The following NSG1 variants were observed in gnomAD, a reference collection of about 807,000 sequenced individuals.
The protein encoded by NSG1 is neuronal vesicle trafficking-associated protein 1.
NSG1 carries 9 observed loss-of-function variants against 19.3 expected under a neutral mutation model. The observed-to-expected ratio is 0.47, with a 90% CI of 0.28 to 0.81. The LOEUF (loss-of-function observed/expected upper bound fraction) is 0.81. Among genes scored for constraint, NSG1 ranks in the 40% least tolerant of loss-of-function variants. The probability of loss-of-function intolerance (pLI) is 0.11; values close to 1 mark genes in which losing one functional copy is unlikely to be tolerated. For missense variants in NSG1, 236 were observed against 242.4 expected (o/e 0.97, Z 0.18); for synonymous variants, 104 against 107.0 (o/e 0.97, Z 0.17).
chr4:4,394,225 A>G (rs886399897), intron 3 of NSG1, among the ~76,000 whole-genome samples: 1 of 152,094 alleles, frequency 6.6e-6, no homozygotes, highest in Non-Finnish European at 1.5e-5. Flanking sequence ...CTGTTGAGCC[A>G]TTCCACTTCT....
intron 3 of NSG1, among the ~76,000 whole-genome samples, chr4:4,407,858 A>G (rs1397646489): frequency 6.6e-6 from 1 of 152,118 alleles, no homozygotes; most frequent in Non-Finnish European, 1.5e-5. Context: ...GCAGAGCTGC[A>G]GGCAGAATCT....
At chr4:4,411,612 C>T (rs180717932) in intron 4 of NSG1, among the ~76,000 whole-genome samples, 155 of 152,238 alleles carry the variant, frequency 1.0e-3, no homozygotes, top group African/African-American at 2.3e-3. Flanking sequence ...GGCATGGTGG[C>T]GGGTGCCTGT....
At chr4:4,391,385 GACTT>G in intron 2 of NSG1, 86 bp from the exon 3 acceptor site, 1 of 758,756 alleles carries the variant, frequency 1.3e-6, no homozygotes, top group South Asian at 2.0e-5. Context: ...GGCAAATGGT[GACTT>G]TGAATATGGG....
At chr4:4,397,578 A>G (rs941382646) in intron 3 of NSG1, among the ~76,000 whole-genome samples, 1 of 152,222 alleles carries the variant, frequency 6.6e-6, no homozygotes, top group African/African-American at 2.4e-5. Context: ...TTCCCTGTCC[A>G]GACGGTGAGC....
chr4:4,387,521 G>A (rs1722787172), intron 1 of NSG1, 83 bp from the exon 2 acceptor site: 3 of 932,624 alleles, frequency 3.2e-6, no homozygotes, highest in Non-Finnish European at 4.8e-6. Context: ...ACGCCGGGAC[G>A]CCGGTGGGTG....
At chr4:4,392,169 T>A (rs180709638) in intron 3 of NSG1, among the ~76,000 whole-genome samples, 1 of 147,750 alleles carries the variant, frequency 6.8e-6, no homozygotes, top group African/African-American at 2.5e-5. Context: ...CTTCCCCCCA[T>A]CCCAATGGGA....
chr4:4,417,034 C>T (rs1165244217), intron 4 of NSG1, among the ~76,000 whole-genome samples: 3 of 152,188 alleles, frequency 2.0e-5, no homozygotes, highest in Non-Finnish European at 4.4e-5. Flanking sequence ...ACTCACCAGC[C>T]AGTCTATTAA....
At chr4:4,386,930 G>A (rs1002364945), upstream of NSG1, 3 of 152,064 alleles carry the variant, frequency 2.0e-5, no homozygotes, top group Non-Finnish European at 4.4e-5. Context: ...TCCTTTGTGC[G>A]GCCGGGCGGG....
chr4:4,417,858 C>G lies in NSG1; in HGVS notation c.*423C>G. On this transcript the variant is annotated 3_prime_UTR_variant, in exon 5 of 5. Coordinates refer to ENST00000621129, the MANE Select transcript of NSG1 (RefSeq NM_014392.5). ...ATCTCTCGCTGTGCTAAGAGCAAGC[C>G]TACTTCGCATTTCTTCCTCGGCCAT... 2 of 253,838 alleles carry G rather than the reference C, an allele frequency of 7.9e-6. No individual in the cohort carries two copies. Among genetic ancestry groups the G allele is most frequent in the Non-Finnish European group, 1.5e-5 (2 of 130,772 alleles). 15.7% of individuals were successfully genotyped at this position (253,838 alleles called of 1,614,324 possible).
At chr4:4,395,071 G>T (rs961894443) in intron 3 of NSG1, among the ~76,000 whole-genome samples, 1 of 152,186 alleles carries the variant, frequency 6.6e-6, no homozygotes. Flanking sequence ...CTGGACTTTC[G>T]CAGCTGAACA....
At chr4:4,399,077 G>A (rs1025159463) in intron 3 of NSG1, among the ~76,000 whole-genome samples, 2 of 152,096 alleles carry the variant, frequency 1.3e-5, no homozygotes, top group Admixed American at 1.3e-4. Flanking sequence ...TTGGCCATTT[G>A]TATCTCTTCT....
At chr4:4,401,903 C>T (rs1354492878) in intron 3 of NSG1, among the ~76,000 whole-genome samples, 1 of 152,086 alleles carries the variant, frequency 6.6e-6, no homozygotes, top group Non-Finnish European at 1.5e-5. Context: ...TTTTTTGAGA[C>T]AGGGCCTCGC....
intron 1 of NSG1, 87 bp from the exon 2 acceptor site, chr4:4,387,517 G>T (rs1230367619): frequency 3.3e-6 from 3 of 903,276 alleles, no homozygotes; most frequent in Non-Finnish European, 5.0e-6. Context: ...GCGGACGCCG[G>T]GACGCCGGTG....
chr4:4,395,592 G>A (rs556390258), intron 3 of NSG1, among the ~76,000 whole-genome samples: 3 of 152,248 alleles, frequency 2.0e-5, no homozygotes, highest in Admixed American at 1.3e-4. Flanking sequence ...CTGGAGACAC[G>A]GGCATGATGG....
chr4:4,389,044 C>G (rs990065539), intron 2 of NSG1, among the ~76,000 whole-genome samples: 2 of 152,224 alleles, frequency 1.3e-5, no homozygotes, highest in African/African-American at 2.4e-5. Flanking sequence ...GGCCTGGCCC[C>G]GAGGCCCCCA....
intron 4 of NSG1, among the ~76,000 whole-genome samples, chr4:4,414,667 T>TC (rs1244887612): frequency 6.6e-6 from 1 of 152,224 alleles, no homozygotes; most frequent in Non-Finnish European, 1.5e-5. Flanking sequence ...TGCTGTTATA[T>TC]CCCCATTTTA....
At chr4:4,416,856 T>TC (rs1448650323) in intron 4 of NSG1, among the ~76,000 whole-genome samples, 1 of 152,220 alleles carries the variant, frequency 6.6e-6, no homozygotes, top group African/African-American at 2.4e-5. Flanking sequence ...GGGAAGCTCT[T>TC]CTCACTTCCC....
chr4:4,393,650 T>C (rs1220929083), intron 3 of NSG1, among the ~76,000 whole-genome samples: 2 of 152,196 alleles, frequency 1.3e-5, no homozygotes. Flanking sequence ...AGTTTTCTTT[T>C]CCTCCTTTAT....
At position 4,402,371 on chromosome 4, in the gene NSG1, ATTTTTTTTTTTTTTTTTTTTTTT is replaced by A. The variant is rs1161754574; in HGVS notation, c.247-7190_247-7168del. Among the ~76,000 whole-genome samples the A allele has an allele frequency of 3.7e-5, 2 of 53,912 alleles. 1 individual carries two copies. Among genetic ancestry groups the A allele is most frequent in the Non-Finnish European group, 6.9e-5 (2 of 29,006 alleles). 35.4% of individuals were successfully genotyped at this position (53,912 alleles called of 152,430 possible). A position where few individuals can be genotyped will look rare whatever the true frequency, so the allele number is the denominator to read the frequency against. ...TAGACACGCAGCACCACGCCTGGTT[ATTTTTTTTTTTTTTTTTTTTTTT>A]TTTTTTTTTTTGAGACGGAGTCTTG... On this transcript the variant is annotated intron_variant, in intron 3 of 4. Transcript: ENST00000621129.
Sources: allele counts gnomAD v4.1 joint callset (sites outside exome capture counted in the v4.1 genomes callset), GRCh38; gene constraint gnomAD v4.1.1; transcripts MANE v1.5; gene names NCBI Gene and HGNC (gene_info 2026-07-23, HGNC 2026-07-21).